PCLO: variants seen among roughly 807,000 people sequenced by gnomAD.
PCLO encodes the protein protein piccolo.
In PCLO, 82 loss-of-function variants were observed where a neutral mutation model predicts 427.5. The observed-to-expected ratio is 0.19, with a 90% CI of 0.16 to 0.23. The LOEUF is 0.23. PCLO is among the 10% of genes least tolerant of loss of function. PCLO has a pLI of 1.00. For missense variants in PCLO, 6,239 were observed against 6,115.9 expected, an observed-to-expected ratio of 1.02 and a Z score of -0.67; for synonymous variants, 2,357 against 2,155.4, an observed-to-expected ratio of 1.09 and a Z score of -2.59.
intron 2 of PCLO, among the ~76,000 whole-genome samples, chr7:83,136,662 T>A (rs973046222): frequency 2.0e-5 from 3 of 152,106 alleles, no homozygotes; most frequent in Non-Finnish European, 4.4e-5. Context: ...GAAAACATGG[T>A]TTCCTTAGAA....
rs1432695056 is a variant in PCLO at position 82,915,330 on chromosome 7, T to C, written c.12656A>G (p.Tyr4219Cys). The change falls in exon 7 of 25, where the codon TAT (tyrosine) becomes TGT (cysteine). Residue 4219 changes from tyrosine (Y) to cysteine (C), a missense_variant. Physicochemically the swap from Tyr to Cys is radical, Grantham distance 194. Transcript: ENST00000333891. ...AATAGATGAAGTGCTAGAAGTCATA[T>C]AGCTTGAATAATCAGGTTCAAGGTC... ...SRDLEPDYSSYMTSSTSSIGG... is the reference protein window; with the variant it reads ...SRDLEPDYSSCMTSSTSSIGG... 4 of 1,613,610 alleles carry C rather than the reference T, an allele frequency of 2.5e-6. No individual in the cohort carries two copies. Among genetic ancestry groups the C allele is most frequent in the South Asian group, 1.1e-5 (1 of 91,078 alleles).
chr7:82,951,658 A>AG (rs71680462), intron 5 of PCLO, among the ~76,000 whole-genome samples, 168 bp from the exon 6 acceptor site: 14,802 of 152,244 alleles, frequency 0.097, 2,419 homozygotes, highest in African/African-American at 0.34. Context: ...AGGCGCATGC[A>AG]GTGATTTTGA....
chr7:82,963,239 T>A (rs1477417254), intron 4 of PCLO, among the ~76,000 whole-genome samples: 1 of 152,082 alleles, frequency 6.6e-6, no homozygotes, highest in Non-Finnish European at 1.5e-5. Context: ...TCATGTCTGC[T>A]TATTTAACAA....
At position 83,162,788 on chromosome 7, in the gene PCLO, C is replaced by T; in HGVS notation, c.-196G>A. On this transcript the variant is annotated 5_prime_UTR_variant, in exon 1 of 25. Transcript: ENST00000333891. ...TCCCGCTCGCAGGTAACGCCCGCTG[C>T]CGGTGCCTCCTCCATGTTGGACAGC... 1 of 656,636 alleles carries T rather than the reference C, an allele frequency of 1.5e-6. No homozygotes were observed. The highest frequency in any genetic ancestry group is 2.5e-6 in the Non-Finnish European group (1 of 399,752). The allele number at this position is 656,636 out of a possible 1,614,324, so 40.7% of individuals were successfully genotyped here.
At chr7:82,780,348 G>C (rs895186505) in intron 22 of PCLO, among the ~76,000 whole-genome samples, 2 of 152,154 alleles carry the variant, frequency 1.3e-5, no homozygotes, top group South Asian at 4.1e-4. Context: ...CTAATAGAAC[G>C]TTTGTTCTGT....
intron 9 of PCLO, among the ~76,000 whole-genome samples, chr7:82,891,822 A>G (rs1793774159): frequency 6.6e-6 from 1 of 152,064 alleles, no homozygotes; most frequent in South Asian, 2.1e-4. Flanking sequence ...GGTTCTGTTC[A>G]TATGCTGGAT....
intron 6 of PCLO, among the ~76,000 whole-genome samples, chr7:82,936,375 C>T (rs1794953863): frequency 6.6e-6 from 1 of 151,610 alleles, no homozygotes; most frequent in Non-Finnish European, 1.5e-5. Flanking sequence ...GACTTAGTCA[C>T]TTCACATAAG....
chr7:82,935,764 T>C (rs1474331233), intron 6 of PCLO, among the ~76,000 whole-genome samples: 1 of 151,596 alleles, frequency 6.6e-6, no homozygotes, highest in Admixed American at 6.6e-5. Flanking sequence ...AAATTAAGAT[T>C]CTATGCCACG....
chr7:83,129,239 A>G (rs1033859336), intron 3 of PCLO, among the ~76,000 whole-genome samples: 2 of 152,204 alleles, frequency 1.3e-5, no homozygotes, highest in Non-Finnish European at 2.9e-5. Context: ...AGTGCTTGGC[A>G]CAATTGCCTC....
chr7:82,948,479 T>C (rs1795254870), intron 6 of PCLO, among the ~76,000 whole-genome samples: 1 of 152,126 alleles, frequency 6.6e-6, no homozygotes, highest in African/African-American at 2.4e-5. Context: ...TGTAACACCA[T>C]CTCAGAAAAA....
At chr7:82,976,575 G>C (rs1031041338) in intron 3 of PCLO, among the ~76,000 whole-genome samples, 2 of 152,170 alleles carry the variant, frequency 1.3e-5, no homozygotes, top group African/African-American at 4.8e-5. Context: ...TTGTTGGTGT[G>C]TATGCAAAGT....
Position 82,951,252 on chromosome 7 carries a change from G to C in PCLO, c.9336C>G (p.Ser3112Arg). ...AITTQPGSIF[S>R]TTVRDLSGIH... ...TACCAGACAAATCCCTCACTGTGGT[G>C]CTGAAAATGGAGCCAGGTTGTGTGG... The change falls in exon 6 of 25, where the codon AGC (serine) becomes AGG (arginine). Residue 3112 changes from serine to arginine, a missense_variant. Coordinates refer to ENST00000333891, the MANE Select transcript of PCLO (RefSeq NM_033026.6). The C allele has an allele frequency of 6.2e-7, 1 of 1,613,552 alleles. No homozygotes were observed. The highest frequency in any genetic ancestry group is 2.2e-5 in the East Asian group (1 of 44,824).
intron 13 of PCLO, among the ~76,000 whole-genome samples, chr7:82,842,817 A>C (rs1792400306): frequency 6.6e-6 from 1 of 152,108 alleles, no homozygotes. Context: ...CAACATCATT[A>C]ATCATCAGAG....
chr7:82,950,428 G>A lies in PCLO; in HGVS notation c.10160C>T (p.Pro3387Leu). 6.2e-7 allele frequency: 1 copy of A among 1,613,746 alleles called. No homozygotes were observed. The highest frequency in any genetic ancestry group is 8.5e-7 in the Non-Finnish European group (1 of 1,179,824). ...QSDGVTQYIA[P>L]PGILSTVSEI... is the part of the protein sequence containing the mutation. ...TGAAACAGTGCTCAGGATACCAGGT[G>A]GGGCAATGTACTGAGTAACACCATC... Residue 3387 changes from proline to leucine, a missense_variant, in exon 6 of 25, where the codon CCA (proline) becomes CTA (leucine). Transcript: ENST00000333891.
At chr7:83,152,048 T>C (rs1044030742) in intron 2 of PCLO, among the ~76,000 whole-genome samples, 10 of 151,930 alleles carry the variant, frequency 6.6e-5, no homozygotes, top group African/African-American at 2.4e-4. Context: ...CACTGCAAGC[T>C]CCGCCTCCCC....
intron 3 of PCLO, among the ~76,000 whole-genome samples, chr7:83,099,256 G>A (rs1229001777): frequency 6.8e-6 from 1 of 147,626 alleles, no homozygotes; most frequent in Non-Finnish European, 1.5e-5. Flanking sequence ...GAGGCAACGA[G>A]ATACTGACAG....
At chr7:82,978,857 AACACACACAC>A (rs66871387) in intron 3 of PCLO, among the ~76,000 whole-genome samples, 91 of 138,678 alleles carry the variant, frequency 6.6e-4, no homozygotes, top group East Asian at 1.6e-3. Context: ...CACACACACA[AACACACACAC>A]ACACACACAC....
chr7:82,893,287 G>A (rs1333701154), intron 9 of PCLO, among the ~76,000 whole-genome samples: 1 of 152,058 alleles, frequency 6.6e-6, no homozygotes, highest in African/African-American at 2.4e-5. Flanking sequence ...CATGGATGAA[G>A]CTAGAAACCA....
At chr7:83,098,591 A>G (rs1036601389) in intron 3 of PCLO, among the ~76,000 whole-genome samples, 3 of 152,124 alleles carry the variant, frequency 2.0e-5, no homozygotes, top group Non-Finnish European at 4.4e-5. Context: ...ACATAACACC[A>G]GTTACATTAA....
Sources: gnomAD v4.1 joint callset for allele counts (sites outside exome capture counted in the v4.1 genomes callset) on GRCh38, gnomAD v4.1.1 for gene constraint, MANE v1.5 for transcripts, NCBI Gene and HGNC (gene_info 2026-07-23, HGNC 2026-07-21) for gene names.